FBXO4: variants seen among roughly 807,000 people sequenced by gnomAD.
FBXO4 encodes F-box protein 4, also known as F-box only protein 4.
Under a neutral mutation model 43.7 loss-of-function variants are expected in FBXO4, and 36 were observed. The observed-to-expected ratio is 0.82, with a 90% CI of 0.63 to 1.09. FBXO4 has a LOEUF of 1.09. FBXO4 is among the 50% of genes least tolerant of loss of function. The pLI is 0.00. For synonymous variants in FBXO4, 180 were observed against 165.6 expected (o/e 1.09, Z -0.67); for missense variants, 435 against 474.1 (o/e 0.92, Z 0.77).
the FBXO4 span, among the ~76,000 whole-genome samples, chr5:42,021,983 G>A: frequency 6.6e-6 from 1 of 152,080 alleles, no homozygotes; most frequent in African/African-American, 2.4e-5. Flanking sequence ...TTTAAGAAAA[G>A]CTAACAAAAA....
At chr5:42,018,178 A>G in the FBXO4 span, among the ~76,000 whole-genome samples, 2 of 149,380 alleles carry the variant, frequency 1.3e-5, no homozygotes, top group East Asian at 3.9e-4. Flanking sequence ...ATAAACTAAA[A>G]TATATGTGTA....
At chr5:42,032,818 C>T in the FBXO4 span, among the ~76,000 whole-genome samples, 1 of 152,124 alleles carries the variant, frequency 6.6e-6, no homozygotes, top group Non-Finnish European at 1.5e-5. Flanking sequence ...ACACCATAGC[C>T]ACTACAGCTG....
chr5:42,013,639 C>A, the FBXO4 span, among the ~76,000 whole-genome samples: 7 of 152,324 alleles, frequency 4.6e-5, no homozygotes, highest in African/African-American at 1.4e-4. Flanking sequence ...TCATCCAATC[C>A]GGACAGATTC....
At chr5:41,946,750 G>T in the FBXO4 span, among the ~76,000 whole-genome samples, 1 of 151,996 alleles carries the variant, frequency 6.6e-6, no homozygotes, top group African/African-American at 2.4e-5. Context: ...TCCCCACCAA[G>T]AATTTCTATC....
At chr5:41,987,525 T>C in the FBXO4 span, among the ~76,000 whole-genome samples, 1 of 152,138 alleles carries the variant, frequency 6.6e-6, no homozygotes, top group African/African-American at 2.4e-5. Flanking sequence ...ATAAGCTCCT[T>C]GTGAGGAATA....
At position 41,929,934 on chromosome 5, in the gene FBXO4, T is replaced by C; in HGVS notation, c.646+17T>C. ...AGATTGATGGTAATTTTCATGTTAA[T>C]CTACAGTTAATTCAAACACTTTGAG... On this transcript the variant is annotated intron_variant, in intron 3 of 6. Coordinates refer to ENST00000281623, the MANE Select transcript of FBXO4 (RefSeq NM_012176.3). The C allele has an allele frequency of 6.4e-7, 1 of 1,553,190 alleles. No individual in the cohort carries two copies. The highest frequency in any genetic ancestry group is 8.8e-7 in the Non-Finnish European group (1 of 1,134,358).
the FBXO4 span, among the ~76,000 whole-genome samples, chr5:41,958,829 G>C: frequency 6.6e-6 from 1 of 152,094 alleles, no homozygotes; most frequent in Non-Finnish European, 1.5e-5. Context: ...TTCACATTTT[G>C]GCTGTTGTAA....
chr5:41,957,036 T>G, the FBXO4 span, among the ~76,000 whole-genome samples: 13 of 152,264 alleles, frequency 8.5e-5, no homozygotes, highest in African/African-American at 2.9e-4. Context: ...TTCAATATTT[T>G]CTAATGATTT....
chr5:41,987,971 T>C, the FBXO4 span, among the ~76,000 whole-genome samples: 1 of 152,246 alleles, frequency 6.6e-6, no homozygotes, highest in Non-Finnish European at 1.5e-5. Flanking sequence ...CTGCCATATC[T>C]GATTCTGGCT....
chr5:41,934,120 A>AT lies in FBXO4; in HGVS notation c.723-5dup, dbSNP rs757886981. On this transcript the variant is annotated splice_polypyrimidine_tract_variant and intron_variant, in intron 4 of 6. Transcript: ENST00000281623. ...TGTCTTTTTATATTCTGTCTTTACA[A>AT]TTTTTTTTCTAGAAAGGAAAGAGAT... The AT allele has an allele frequency of 5.0e-6, 8 of 1,613,096 alleles. No homozygotes were observed. The highest frequency in any genetic ancestry group is 4.5e-5 in the East Asian group (2 of 44,850).
the FBXO4 span, among the ~76,000 whole-genome samples, chr5:42,033,153 T>G: frequency 6.6e-6 from 1 of 152,122 alleles, no homozygotes; most frequent in Non-Finnish European, 1.5e-5. Flanking sequence ...GAAGTCTGTT[T>G]TGAAGTTGTG....
rs751684986 is a variant in FBXO4, at chr5:41,938,583, A to AT, written c.899-851dup. On this transcript the variant is annotated intron_variant, in intron 5 of 6. Transcript: ENST00000281623. Reference sequence around the variant, plus strand: ...TCAAATTTAATAGTTTAAAACAACTATTTTTTTAGCTCACAGTTCTCTATG... The same window carrying AT: ...TCAAATTTAATAGTTTAAAACAACTATTTTTTTTAGCTCACAGTTCTCTATG... Among the ~76,000 whole-genome samples, 33 of 152,258 alleles carry AT rather than the reference A, an allele frequency of 2.2e-4. 1 individual carries two copies. Among genetic ancestry groups the AT allele is most frequent in the African/African-American group, 7.5e-4 (31 of 41,560 alleles).
At chr5:42,011,380 C>T in the FBXO4 span, among the ~76,000 whole-genome samples, 3 of 152,330 alleles carry the variant, frequency 2.0e-5, no homozygotes, top group South Asian at 6.2e-4. Flanking sequence ...CTTCTCTTGG[C>T]ACATGCCCAT....
the FBXO4 span, among the ~76,000 whole-genome samples, chr5:42,021,242 C>T: frequency 2.0e-5 from 3 of 152,042 alleles, no homozygotes; most frequent in African/African-American, 7.2e-5. Context: ...AGTTAGCAAC[C>T]AGTAGTGGCT....
chr5:42,036,135 G>A, the FBXO4 span, among the ~76,000 whole-genome samples: 1 of 152,176 alleles, frequency 6.6e-6, no homozygotes, highest in Non-Finnish European at 1.5e-5. Flanking sequence ...CACTGGGGTA[G>A]AAATTAGAAT....
chr5:41,993,994 A>C, the FBXO4 span, among the ~76,000 whole-genome samples: 1 of 152,158 alleles, frequency 6.6e-6, no homozygotes, highest in African/African-American at 2.4e-5. Flanking sequence ...CATACCCAGG[A>C]TCAGTATTTT....
At chr5:41,930,650 T>TTTC (rs1561168652) in intron 3 of FBXO4, among the ~76,000 whole-genome samples, 2 of 150,340 alleles carry the variant, frequency 1.3e-5, no homozygotes, top group African/African-American at 5.0e-5. Flanking sequence ...AACTACATTT[T>TTTC]TTTCTTTCTT....
the FBXO4 span, among the ~76,000 whole-genome samples, chr5:42,037,559 T>C: frequency 6.6e-6 from 1 of 152,098 alleles, no homozygotes; most frequent in Non-Finnish European, 1.5e-5. Context: ...TGTTTGCCTA[T>C]TGCCTCAGAA....
the FBXO4 span, among the ~76,000 whole-genome samples, chr5:42,001,651 T>G: frequency 6.6e-6 from 1 of 152,180 alleles, no homozygotes; most frequent in Non-Finnish European, 1.5e-5. Flanking sequence ...TTGTTGCTAT[T>G]GTGAATGGGA....
Sources: gnomAD v4.1 joint callset for allele counts (sites outside exome capture counted in the v4.1 genomes callset) on GRCh38, gnomAD v4.1.1 for gene constraint, MANE v1.5 for transcripts, NCBI Gene and HGNC (gene_info 2026-07-23, HGNC 2026-07-21) for gene names.